The following COMMD1 variants were observed in gnomAD, a reference collection of about 807,000 sequenced individuals.
The protein encoded by COMMD1 is COMM domain-containing protein 1.
Under a neutral mutation model 17.2 loss-of-function variants are expected in COMMD1, and 10 were observed. The ratio of observed to expected loss-of-function variants is 0.58; its 90% CI spans 0.36 to 0.99. COMMD1 has a LOEUF of 0.99. COMMD1 is among the 50% of genes least tolerant of loss of function. COMMD1 has a pLI of 0.01. For synonymous variants in COMMD1, 97 were observed against 91.6 expected (o/e 1.06, Z -0.34); for missense variants, 270 against 231.8 (o/e 1.17, Z -1.07).
At chr2:62,066,046 C>A (rs1671028232) in intron 2 of COMMD1, among the ~76,000 whole-genome samples, 1 of 152,116 alleles carries the variant, frequency 6.6e-6, no homozygotes, top group African/African-American at 2.4e-5. Context: ...ATTTCCCACT[C>A]AATCTGGCTG....
intron 2 of COMMD1, among the ~76,000 whole-genome samples, chr2:62,085,971 C>A (rs1161474250): frequency 1.3e-5 from 2 of 151,692 alleles, no homozygotes; most frequent in Non-Finnish European, 2.9e-5. Context: ...GAGCAAGACT[C>A]TGTCTCAAAA....
chr2:61,957,034 AGCCACCAC>A (rs1671216349), intron 1 of COMMD1, among the ~76,000 whole-genome samples: 1 of 151,942 alleles, frequency 6.6e-6, no homozygotes, highest in African/African-American at 2.4e-5. Flanking sequence ...TATAGGCGTG[AGCCACCAC>A]GCCCGGCAAG....
chr2:62,021,003 CAA>C (rs754379532), intron 2 of COMMD1, among the ~76,000 whole-genome samples: 4 of 100,956 alleles, frequency 4.0e-5, no homozygotes, highest in African/African-American at 3.6e-5. Context: ...AAGTCCGTCT[CAA>C]AAAAAAAAAA....
chr2:61,975,288 A>G (rs1048076136), intron 1 of COMMD1, among the ~76,000 whole-genome samples: 4 of 152,084 alleles, frequency 2.6e-5, no homozygotes, highest in African/African-American at 9.7e-5. Context: ...GGTTGCTTCT[A>G]ACTTTTGGCA....
intron 2 of COMMD1, among the ~76,000 whole-genome samples, chr2:62,117,031 T>C (rs987873337): frequency 2.0e-5 from 3 of 151,262 alleles, no homozygotes; most frequent in African/African-American, 7.3e-5. Context: ...AAGATGAACC[T>C]TGCCTACAGT....
chr2:62,046,322 A>G (rs1670382767), intron 2 of COMMD1, among the ~76,000 whole-genome samples: 1 of 152,248 alleles, frequency 6.6e-6, no homozygotes, highest in Admixed American at 6.5e-5. Context: ...CTGGCTATGG[A>G]TAAGACAGGT....
chr2:61,979,299 A>G (rs1415060350), intron 1 of COMMD1, among the ~76,000 whole-genome samples: 1 of 152,136 alleles, frequency 6.6e-6, no homozygotes, highest in African/African-American at 2.4e-5. Flanking sequence ...CAACATGGTG[A>G]AACCCCGTCT....
At chr2:61,982,890 G>T (rs1036872996) in intron 1 of COMMD1, among the ~76,000 whole-genome samples, 1 of 152,130 alleles carries the variant, frequency 6.6e-6, no homozygotes, top group Non-Finnish European at 1.5e-5. Context: ...CATGATGAAT[G>T]ATCTTAACAT....
chr2:62,007,184 A>G (rs1260231445), intron 2 of COMMD1, among the ~76,000 whole-genome samples: 1 of 152,020 alleles, frequency 6.6e-6, no homozygotes, highest in African/African-American at 2.4e-5. Context: ...TAGTTTAAGC[A>G]CTTGTCTAGT....
At chr2:61,915,031 T>G (rs1670014189) in intron 1 of COMMD1, among the ~76,000 whole-genome samples, 1 of 150,878 alleles carries the variant, frequency 6.6e-6, no homozygotes, top group Non-Finnish European at 1.5e-5. Context: ...TGAGATGGAC[T>G]TTTGCTCTTG....
chr2:61,927,475 C>T (rs1339135116), intron 1 of COMMD1, among the ~76,000 whole-genome samples: 1 of 150,718 alleles, frequency 6.6e-6, no homozygotes, highest in African/African-American at 2.4e-5. Flanking sequence ...TCACTGCACA[C>T]TCCACCTCCC....
At chr2:61,989,316 G>GAT (rs1672184640) in intron 1 of COMMD1, among the ~76,000 whole-genome samples, 1 of 152,106 alleles carries the variant, frequency 6.6e-6, no homozygotes, top group Non-Finnish European at 1.5e-5. Flanking sequence ...GTTCACGCTT[G>GAT]ATATTGTAAC....
intron 2 of COMMD1, among the ~76,000 whole-genome samples, chr2:62,047,024 G>C (rs1333488171): frequency 6.6e-6 from 1 of 152,156 alleles, no homozygotes; most frequent in Non-Finnish European, 1.5e-5. Flanking sequence ...TGTTTTGCCA[G>C]ATACCAAAAA....
At chr2:62,020,651 A>G (rs1367712016) in intron 2 of COMMD1, among the ~76,000 whole-genome samples, 2 of 152,198 alleles carry the variant, frequency 1.3e-5, no homozygotes, top group Non-Finnish European at 2.9e-5. Flanking sequence ...GAGATAAGCC[A>G]TTCTCGTTCT....
intron 2 of COMMD1, among the ~76,000 whole-genome samples, chr2:62,038,785 G>A (rs572250795): frequency 4.6e-5 from 7 of 152,090 alleles, no homozygotes; most frequent in Non-Finnish European, 8.8e-5. Context: ...CTGACCTCAA[G>A]TGATTTGCCT....
At chr2:62,022,480 C>A (rs116585038) in intron 2 of COMMD1, among the ~76,000 whole-genome samples, 2 of 142,282 alleles carry the variant, frequency 1.4e-5, no homozygotes, top group African/African-American at 2.6e-5. Flanking sequence ...TACATGAAGC[C>A]GAGGCCAGTG....
intron 2 of COMMD1, among the ~76,000 whole-genome samples, chr2:62,134,171 A>G (rs975996714): frequency 3.9e-5 from 6 of 152,098 alleles, no homozygotes; most frequent in African/African-American, 1.4e-4. Context: ...TTATTTTTCC[A>G]TCTGTTGAGT....
chr2:62,066,064 G>A (rs768362615), intron 2 of COMMD1, among the ~76,000 whole-genome samples: 4 of 152,126 alleles, frequency 2.6e-5, no homozygotes, highest in Non-Finnish European at 5.9e-5. Context: ...CTGATTTTAC[G>A]CAGTGAAACT....
intron 2 of COMMD1, among the ~76,000 whole-genome samples, chr2:62,043,937 G>T (rs190788521): frequency 6.6e-6 from 1 of 152,246 alleles, no homozygotes; most frequent in African/African-American, 2.4e-5. Context: ...ACTCACTGTG[G>T]CATTGAGGAA....
Sources: allele counts gnomAD v4.1 joint callset (sites outside exome capture counted in the v4.1 genomes callset), GRCh38; gene constraint gnomAD v4.1.1; transcripts MANE v1.5; gene names NCBI Gene and HGNC (gene_info 2026-07-23, HGNC 2026-07-21).